ALKAL1: variants seen among roughly 807,000 people sequenced by gnomAD.
ALKAL1 encodes AUG-beta.
In ALKAL1, 23 loss-of-function variants were observed where a neutral mutation model predicts 13.5. That is an observed-to-expected ratio of 1.70 (90% CI 1.23 to 2.41). The LOEUF (loss-of-function observed/expected upper bound fraction) is 2.41, where lower values mean the gene tolerates loss of function less well. Ranked by LOEUF, ALKAL1 falls within the 30% of genes most tolerant of loss-of-function variation. The pLI, the probability that ALKAL1 is intolerant of heterozygous loss-of-function variation, is 0.00. For synonymous variants in ALKAL1, 85 were observed against 77.7 expected, an observed-to-expected ratio of 1.09 and a Z score of -0.49; for missense variants, 181 against 178.4, an observed-to-expected ratio of 1.01 and a Z score of -0.08.
chr8:52,540,493 A>C (rs1847302640), intron 2 of ALKAL1, among the ~76,000 whole-genome samples: 1 of 152,158 alleles, frequency 6.6e-6, no homozygotes, highest in African/African-American at 2.4e-5. Context: ...TGGGAGGCCA[A>C]GGCAGGAGGA....
intron 1 of ALKAL1, among the ~76,000 whole-genome samples, chr8:52,557,915 G>C (rs952218266): frequency 1.2e-4 from 18 of 149,974 alleles, no homozygotes; most frequent in African/African-American, 4.2e-4. Flanking sequence ...GCAGTGAGCT[G>C]AGATTGAACC....
Position 52,541,926 on chromosome 8 carries a change from A to T in ALKAL1, c.244+466T>A, listed in dbSNP as rs940003471. 3.3e-5 allele frequency among the ~76,000 whole-genome samples: 5 copies of T among 151,648 alleles called. No individual in the cohort carries two copies. In the South Asian group the frequency reaches 1.0e-3, roughly 32 times the overall value. On this transcript the variant is annotated intron_variant, in intron 2 of 4. Transcript: ENST00000358543. ...GCCACTTAAGATTATCCACAACATGACTCCAACCTACCTTTCCAGCCACAT... is the reference window on the plus strand; with the variant it reads ...GCCACTTAAGATTATCCACAACATGTCTCCAACCTACCTTTCCAGCCACAT...
At chr8:52,554,216 C>T (rs1326223523) in intron 1 of ALKAL1, among the ~76,000 whole-genome samples, 1 of 152,140 alleles carries the variant, frequency 6.6e-6, no homozygotes, top group Admixed American at 6.5e-5. Context: ...AAGAGTGAAG[C>T]TCCGTCACAC....
At chr8:52,561,364 A>G (rs1008343299) in intron 1 of ALKAL1, among the ~76,000 whole-genome samples, 3 of 152,218 alleles carry the variant, frequency 2.0e-5, no homozygotes, top group Non-Finnish European at 2.9e-5. Context: ...TGAACGCATA[A>G]ATAACCGAAC....
intron 1 of ALKAL1, among the ~76,000 whole-genome samples, chr8:52,548,077 A>G (rs1847390274): frequency 2.0e-5 from 3 of 152,210 alleles, no homozygotes; most frequent in African/African-American, 4.8e-5. Flanking sequence ...CGCCGGGTGC[A>G]GTGGCTTATG....
intron 4 of ALKAL1, among the ~76,000 whole-genome samples, chr8:52,538,073 G>A (rs1321636253): frequency 2.0e-5 from 3 of 150,888 alleles, no homozygotes; most frequent in African/African-American, 7.3e-5. Flanking sequence ...TGGCGACAGA[G>A]CGAGACTCTG....
At position 52,541,899 on chromosome 8, in the gene ALKAL1, A is replaced by G. The variant is rs146729607; in HGVS notation, c.244+493T>C. Among the ~76,000 whole-genome samples, 693 of 152,000 alleles carry G rather than the reference A, an allele frequency of 4.6e-3. 25 individuals are homozygous for G. The highest frequency in any genetic ancestry group is 0.042 in the Admixed American group (636 of 15,276). ...GGGAACATAGTCTGAATTCCCTAGC[A>G]TGCCACTTAAGATTATCCACAACAT... On this transcript the variant is annotated intron_variant, in intron 2 of 4. Transcript: ENST00000358543.
intron 1 of ALKAL1, among the ~76,000 whole-genome samples, chr8:52,553,802 T>C (rs1446202542): frequency 6.6e-6 from 1 of 152,230 alleles, no homozygotes; most frequent in East Asian, 1.9e-4. Flanking sequence ...TTTTAGCAAT[T>C]TCATCTGAAG....
chr8:52,563,051 CA>C (rs1563324442), intron 1 of ALKAL1, among the ~76,000 whole-genome samples: 1 of 152,210 alleles, frequency 6.6e-6, no homozygotes, highest in Non-Finnish European at 1.5e-5. Flanking sequence ...TCACAGAAAG[CA>C]ATGGCTTTAA....
At chr8:52,551,134 G>A (rs183449425) in intron 1 of ALKAL1, among the ~76,000 whole-genome samples, 43 of 151,952 alleles carry the variant, frequency 2.8e-4, no homozygotes, top group African/African-American at 9.4e-4. Context: ...ATTTCAATGG[G>A]GCATAACTTT....
chr8:52,563,303 C>T (rs995915539), intron 1 of ALKAL1, among the ~76,000 whole-genome samples: 3 of 152,014 alleles, frequency 2.0e-5, no homozygotes, highest in South Asian at 2.1e-4. Context: ...CGTGGTGGTG[C>T]GCCTGTAATC....
chr8:52,554,029 G>A (rs560589332), intron 1 of ALKAL1, among the ~76,000 whole-genome samples: 2 of 152,270 alleles, frequency 1.3e-5, no homozygotes, highest in Admixed American at 1.3e-4. Flanking sequence ...TTCGAAACCA[G>A]CCTGACCAAC....
chr8:52,541,628 G>T (rs1847313042), intron 2 of ALKAL1, among the ~76,000 whole-genome samples: 1 of 152,120 alleles, frequency 6.6e-6, no homozygotes, highest in Non-Finnish European at 1.5e-5. Flanking sequence ...GATTAGCCAG[G>T]TGTGGTGGCA....
chr8:52,543,509 G>T (rs1279480288), intron 1 of ALKAL1, among the ~76,000 whole-genome samples: 2 of 152,204 alleles, frequency 1.3e-5, no homozygotes, highest in Admixed American at 1.3e-4. Context: ...TTCAGGGCCT[G>T]GTTCAGGGCG....
rs1157891995 is a variant in ALKAL1 at position 52,539,819 on chromosome 8, C to T, written c.325+12G>A. ...ATAATTAAAAAAAAAAAAACCCACCCAAGTTACTTACAAGCTGGCGTTGAG... is the reference window on the plus strand; with the variant it reads ...ATAATTAAAAAAAAAAAAACCCACCTAAGTTACTTACAAGCTGGCGTTGAG... On this transcript the variant is annotated intron_variant, in intron 3 of 4. Coordinates refer to ENST00000358543, the MANE Select transcript of ALKAL1 (RefSeq NM_207413.4). 1 of 1,579,696 alleles carries T rather than the reference C, an allele frequency of 6.3e-7. No homozygotes were observed. Among genetic ancestry groups the T allele is most frequent in the Non-Finnish European group, 8.6e-7 (1 of 1,164,896 alleles).
rs551186421 is a variant in ALKAL1 at position 52,544,915 on chromosome 8, A to G, written c.191-2470T>C. 1.6e-4 allele frequency among the ~76,000 whole-genome samples: 25 copies of G among 152,250 alleles called. No homozygotes were observed. The South Asian group carries it at 5.2e-3, about 32-fold the overall frequency. ...ATACACCATTCAAACATTTTTTAAT[A>G]AATAAATTTTGTTTTTTTGAGACAG... On this transcript the variant is annotated intron_variant, in intron 1 of 4. Transcript: ENST00000358543.
At chr8:52,535,550 C>CAAAAAAAAAAAAAAAAAAAAAAAGAAAA (rs1847257906) in intron 4 of ALKAL1, among the ~76,000 whole-genome samples, 3 of 68,628 alleles carry the variant, frequency 4.4e-5, no homozygotes, top group Non-Finnish European at 7.8e-5. Context: ...GACCCTGTCT[C>CAAAAAAAAAAAAAAAAAAAAAAAGAAAA]AAAAAAAAAA....
At chr8:52,554,471 A>C (rs563914969) in intron 1 of ALKAL1, among the ~76,000 whole-genome samples, 2 of 152,350 alleles carry the variant, frequency 1.3e-5, no homozygotes, top group South Asian at 2.1e-4. Context: ...ACCACCCTAG[A>C]AGCACAATCT....
At chr8:52,555,191 T>TA (rs945835079) in intron 1 of ALKAL1, among the ~76,000 whole-genome samples, 1 of 146,398 alleles carries the variant, frequency 6.8e-6, no homozygotes, top group African/African-American at 2.5e-5. Flanking sequence ...AAAAAAAAGA[T>TA]AAAGGCCGAC....
Sources: allele counts gnomAD v4.1 joint callset (sites outside exome capture counted in the v4.1 genomes callset), GRCh38; gene constraint gnomAD v4.1.1; transcripts MANE v1.5; gene names NCBI Gene and HGNC (gene_info 2026-07-23, HGNC 2026-07-21).